The following FRMPD4 variants were observed in gnomAD, a reference collection of about 807,000 sequenced individuals.
FRMPD4 encodes the protein FERM and PDZ domain containing 4.
A neutral mutation model predicts 94.1 loss-of-function variants in FRMPD4; 22 were observed. The ratio of observed to expected loss-of-function variants is 0.23; its 90% confidence interval spans 0.17 to 0.33. The LOEUF (loss-of-function observed/expected upper bound fraction) is 0.33, where lower values mean the gene tolerates loss of function less well. FRMPD4 is among the 10% of genes least tolerant of loss of function. The pLI is 1.00. For synonymous variants in FRMPD4, 631 were observed against 548.6 expected, an observed-to-expected ratio of 1.15 and a Z score of -2.10; for missense variants, 1,111 against 1,339.9, an observed-to-expected ratio of 0.83 and a Z score of 2.67.
chrX:11,951,321 G>A (rs1343983477), intron 3 of FRMPD4, among the ~76,000 whole-genome samples: 13 of 111,023 alleles, frequency 1.2e-4, no homozygotes, highest in African/African-American at 4.3e-4. Context: ...ATTCACAATA[G>A]CAAAGACATG....
chrX:12,498,199 G>A (rs1422085149), intron 1 of FRMPD4, among the ~76,000 whole-genome samples: 1 of 111,961 alleles, frequency 8.9e-6, no homozygotes. Context: ...AGGACCAAGT[G>A]ATGAGGGATG....
At position 12,452,278 on chromosome X, in the gene FRMPD4, A is replaced by T. The variant is rs149297074; in HGVS notation, c.42-46402A>T. 1.2e-3 allele frequency among the ~76,000 whole-genome samples: 135 copies of T among 112,512 alleles called. 7 individuals are homozygous for T. In the East Asian group the frequency reaches 0.034, roughly 28 times the overall value. ...TTAAATTTTTCAAAAATAATTTTAG[A>T]TCACTCATAATTAAAATGGGATTTA... On this transcript the variant is annotated intron_variant, in intron 1 of 16. Coordinates refer to ENST00000675598, the MANE Select transcript of FRMPD4 (RefSeq NM_001368397.1).
intron 2 of FRMPD4, among the ~76,000 whole-genome samples, chrX:12,602,318 C>A (rs2059092279): frequency 9.0e-6 from 1 of 111,406 alleles, no homozygotes; most frequent in Non-Finnish European, 1.9e-5. Context: ...CCCTTCCAGG[C>A]CACAGCAGGG....
At chrX:12,701,786 C>T in intron 9 of FRMPD4, 88 bp from the exon 10 acceptor site, 1 of 995,759 alleles carries the variant, frequency 1.0e-6, no homozygotes, top group Non-Finnish European at 1.4e-6. Context: ...GGTTGAATCA[C>T]TCGGGAAATG....
chrX:12,276,359 G>A (rs2054435610), intron 1 of FRMPD4, among the ~76,000 whole-genome samples: 1 of 112,087 alleles, frequency 8.9e-6, no homozygotes, highest in Non-Finnish European at 1.9e-5. Flanking sequence ...TATACATTTT[G>A]GGGAAACATA....
chrX:11,980,442 A>G (rs6639112), intron 3 of FRMPD4, among the ~76,000 whole-genome samples: 9,768 of 110,793 alleles, frequency 0.088, 362 homozygotes, highest in East Asian at 0.24. Flanking sequence ...TTTCTATATC[A>G]TTAACTGGGT....
At chrX:12,553,711 G>C (rs1200358330) in intron 2 of FRMPD4, among the ~76,000 whole-genome samples, 1 of 108,881 alleles carries the variant, frequency 9.2e-6, no homozygotes, top group African/African-American at 3.3e-5. Flanking sequence ...GTTTTGCCCT[G>C]ATTCTCATGA....
chrX:12,161,809 G>A (rs73190557), intron 1 of FRMPD4, among the ~76,000 whole-genome samples: 18,348 of 111,140 alleles, frequency 0.17, 1,868 homozygotes, highest in African/African-American at 0.39. Flanking sequence ...TATTTCTAGA[G>A]CTATAGAATT....
chrX:12,508,765 G>C (rs139125668), intron 2 of FRMPD4, among the ~76,000 whole-genome samples: 1 of 110,239 alleles, frequency 9.1e-6, no homozygotes, highest in Non-Finnish European at 1.9e-5. Flanking sequence ...AGGCCAAGGC[G>C]GGCAGATCAT....
chrX:12,044,776 G>A, intron 3 of FRMPD4, among the ~76,000 whole-genome samples: 1 of 112,237 alleles, frequency 8.9e-6, no homozygotes, highest in Non-Finnish European at 1.9e-5. Context: ...ATGATCTCAT[G>A]TATCATAGGC....
chrX:11,843,770 T>C (rs895412448), intron 1 of FRMPD4, among the ~76,000 whole-genome samples: 6 of 109,999 alleles, frequency 5.5e-5, no homozygotes, highest in African/African-American at 1.7e-4. Flanking sequence ...AGGCTGATGT[T>C]GAACTGCTGG....
chrX:11,935,269 G>GTT (rs1234166611), intron 3 of FRMPD4, among the ~76,000 whole-genome samples: 436 of 4,991 alleles, frequency 0.087, 167 homozygotes, highest in Middle Eastern at 0.2. Flanking sequence ...TTTTTAATGT[G>GTT]TTTTTTTTTT....
At chrX:12,084,789 G>A (rs16998882) in intron 3 of FRMPD4, among the ~76,000 whole-genome samples, 5,584 of 112,001 alleles carry the variant, frequency 0.05, 358 homozygotes, top group African/African-American at 0.17. Context: ...ACTTAAGAGC[G>A]AGATCCCCTT....
intron 4 of FRMPD4, among the ~76,000 whole-genome samples, chrX:12,634,496 T>C (rs763535973): frequency 2.7e-5 from 3 of 112,114 alleles, no homozygotes; most frequent in Non-Finnish European, 5.6e-5. Flanking sequence ...ATAAATGCCA[T>C]TTGGAATGTT....
chrX:12,487,674 T>A (rs1380002407), intron 1 of FRMPD4, among the ~76,000 whole-genome samples: 4 of 112,284 alleles, frequency 3.6e-5, no homozygotes, highest in African/African-American at 1.3e-4. Flanking sequence ...AGAAATCTAG[T>A]GAAATTATAT....
At chrX:12,009,069 G>T (rs750768860) in intron 3 of FRMPD4, among the ~76,000 whole-genome samples, 1 of 111,555 alleles carries the variant, frequency 9.0e-6, no homozygotes, top group African/African-American at 3.3e-5. Flanking sequence ...AAAATGAATC[G>T]ATTTCTTCTC....
intron 1 of FRMPD4, among the ~76,000 whole-genome samples, chrX:11,845,015 TTA>T (rs1173774035): frequency 2.7e-5 from 3 of 112,448 alleles, no homozygotes; most frequent in Non-Finnish European, 5.6e-5. Context: ...GTTTAATTTC[TTA>T]CACTTTTCAA....
chrX:12,679,514 T>TA (rs1477448570), intron 5 of FRMPD4, among the ~76,000 whole-genome samples: 1 of 111,486 alleles, frequency 9.0e-6, no homozygotes, highest in African/African-American at 3.3e-5. Flanking sequence ...TAAATGTTAC[T>TA]AAGTCACAGT....
intron 2 of FRMPD4, among the ~76,000 whole-genome samples, chrX:12,520,837 A>G (rs1053747821): frequency 8.9e-6 from 1 of 112,370 alleles, no homozygotes; most frequent in African/African-American, 3.2e-5. Context: ...GCTTAAGCCA[A>G]GTAGGGCCTG....
Sources: gnomAD v4.1 joint callset for allele counts (sites outside exome capture counted in the v4.1 genomes callset) on GRCh38, gnomAD v4.1.1 for gene constraint, MANE v1.5 for transcripts, NCBI Gene and HGNC (gene_info 2026-07-23, HGNC 2026-07-21) for gene names.